The following NCKAP5 variants were observed in gnomAD, a reference collection of about 807,000 sequenced individuals.
The protein encoded by NCKAP5 is NCK associated protein 5.
In NCKAP5, 92 loss-of-function variants were observed where a neutral mutation model predicts 167.0. The ratio of observed to expected loss-of-function variants is 0.55; its 90% CI spans 0.47 to 0.66. The LOEUF is 0.66. NCKAP5 is among the 30% of genes least tolerant of loss of function. The pLI is 0.00. For synonymous variants in NCKAP5, 891 were observed against 877.4 expected (o/e 1.02, Z -0.27); for missense variants, 2,378 against 2,315.0 (o/e 1.03, Z -0.56).
chr2:132,905,638 G>A (rs1693951960), intron 8 of NCKAP5, among the ~76,000 whole-genome samples: 1 of 152,064 alleles, frequency 6.6e-6, no homozygotes, highest in African/African-American at 2.4e-5. Context: ...TACAACGAGT[G>A]TTATAGTTTT....
intron 11 of NCKAP5, among the ~76,000 whole-genome samples, chr2:132,830,105 A>G (rs1003455848): frequency 2.0e-5 from 3 of 152,178 alleles, no homozygotes; most frequent in African/African-American, 7.2e-5. Flanking sequence ...ACCGAAGCAG[A>G]GGAACATTTC....
intron 3 of NCKAP5, among the ~76,000 whole-genome samples, chr2:133,365,458 G>A (rs1215722419): frequency 3.3e-5 from 5 of 151,596 alleles, no homozygotes; most frequent in Non-Finnish European, 7.4e-5. Flanking sequence ...TCCTACCTAT[G>A]AGCCAGGATC....
chr2:133,566,408 A>G (rs912904572), intron 1 of NCKAP5, among the ~76,000 whole-genome samples: 2 of 152,182 alleles, frequency 1.3e-5, no homozygotes, highest in Non-Finnish European at 2.9e-5. Context: ...AGGCTGCTCC[A>G]TTTGCTTTTA....
intron 2 of NCKAP5, among the ~76,000 whole-genome samples, chr2:133,539,596 A>G (rs1477191827): frequency 6.6e-6 from 1 of 152,196 alleles, no homozygotes; most frequent in African/African-American, 2.4e-5. Context: ...AAACAAATGT[A>G]TAGGAAGAAG....
At chr2:132,995,730 T>A (rs1415809163) in intron 6 of NCKAP5, among the ~76,000 whole-genome samples, 1 of 151,858 alleles carries the variant, frequency 6.6e-6, no homozygotes, top group Admixed American at 6.6e-5. Context: ...ATCCCAACAT[T>A]TTGGGAGGCT....
At chr2:132,682,462 C>G (rs1325703847) in intron 19 of NCKAP5, among the ~76,000 whole-genome samples, 2 of 152,080 alleles carry the variant, frequency 1.3e-5, no homozygotes, top group Non-Finnish European at 2.9e-5. Context: ...AGAAAGTATT[C>G]TAGATAGTAG....
chr2:133,303,479 G>T (rs7560651), intron 3 of NCKAP5, among the ~76,000 whole-genome samples: 5,682 of 152,096 alleles, frequency 0.037, 348 homozygotes, highest in African/African-American at 0.13. Context: ...TGATTTTACT[G>T]GTCTTATGAC....
At chr2:133,271,598 T>C (rs555170079) in intron 4 of NCKAP5, among the ~76,000 whole-genome samples, 2 of 152,288 alleles carry the variant, frequency 1.3e-5, no homozygotes, top group Middle Eastern at 3.4e-3. Context: ...TGGAACTTGC[T>C]AGAGGTCTTC....
chr2:133,344,318 G>T (rs1683803072), intron 3 of NCKAP5, among the ~76,000 whole-genome samples: 2 of 150,246 alleles, frequency 1.3e-5, no homozygotes, highest in Admixed American at 6.7e-5. Flanking sequence ...TGAGGCGGGA[G>T]AATTTTTTGA....
At chr2:132,769,829 C>T (rs780649577) in intron 16 of NCKAP5, among the ~76,000 whole-genome samples, 4 of 152,182 alleles carry the variant, frequency 2.6e-5, no homozygotes, top group South Asian at 2.1e-4. Context: ...CTTCCTTATA[C>T]TTTTGTCTTA....
chr2:133,290,747 T>TTG (rs1553609429), intron 4 of NCKAP5, among the ~76,000 whole-genome samples: 4 of 145,344 alleles, frequency 2.8e-5, no homozygotes, highest in Non-Finnish European at 4.5e-5. Context: ...TTTTTTTTTT[T>TTG]TTGTTGTTGT....
At chr2:132,835,106 A>G (rs1309598186) in intron 11 of NCKAP5, among the ~76,000 whole-genome samples, 2 of 152,134 alleles carry the variant, frequency 1.3e-5, no homozygotes, top group African/African-American at 2.4e-5. Flanking sequence ...TGTATGTGAT[A>G]TATCACATTT....
intron 3 of NCKAP5, among the ~76,000 whole-genome samples, chr2:133,380,727 T>G (rs1164108263): frequency 6.6e-6 from 1 of 152,180 alleles, no homozygotes; most frequent in Non-Finnish European, 1.5e-5. Flanking sequence ...TCAGACTTAC[T>G]GAACCAGAAT....
intron 6 of NCKAP5, among the ~76,000 whole-genome samples, chr2:133,075,591 C>T (rs568826439): frequency 6.6e-6 from 1 of 152,136 alleles, no homozygotes; most frequent in South Asian, 2.1e-4. Context: ...TGCAAAGGAC[C>T]TACATAGTTA....
intron 7 of NCKAP5, among the ~76,000 whole-genome samples, chr2:132,975,480 C>A (rs2076952465): frequency 6.6e-6 from 1 of 152,146 alleles, no homozygotes; most frequent in Non-Finnish European, 1.5e-5. Flanking sequence ...TTATTGCCTG[C>A]TCCATCTATC....
chr2:133,359,231 C>T (rs150001698), intron 3 of NCKAP5, among the ~76,000 whole-genome samples: 23 of 152,302 alleles, frequency 1.5e-4, no homozygotes, highest in African/African-American at 4.6e-4. Context: ...AATCAGTCCT[C>T]TCTGAAGTGC....
the NCKAP5 span, among the ~76,000 whole-genome samples, chr2:133,618,041 C>G: frequency 6.6e-6 from 1 of 151,474 alleles, no homozygotes; most frequent in Admixed American, 6.6e-5. Flanking sequence ...CTGAGAAAAA[C>G]AAGCAATGGG....
At chr2:133,465,457 C>A (rs200605123) in intron 3 of NCKAP5, among the ~76,000 whole-genome samples, 3 of 151,440 alleles carry the variant, frequency 2.0e-5, no homozygotes, top group African/African-American at 7.3e-5. Context: ...TGAATAATGC[C>A]GCAATAAACA....
chr2:132,932,215 G>A (rs1288776891), intron 8 of NCKAP5, among the ~76,000 whole-genome samples: 1 of 152,132 alleles, frequency 6.6e-6, no homozygotes, highest in Non-Finnish European at 1.5e-5. Context: ...CTATTTTTGT[G>A]TTGTTTTGTT....
Sources: allele counts gnomAD v4.1 joint callset (sites outside exome capture counted in the v4.1 genomes callset), GRCh38; gene constraint gnomAD v4.1.1; transcripts MANE v1.5; gene names NCBI Gene and HGNC (gene_info 2026-07-23, HGNC 2026-07-21).